Variants in QTGAL observed in about 807,000 individuals in gnomAD.
QTGAL encodes the protein queuosine-tRNA galactosyltransferase.
the QTGAL span, chr17:83,007,225 T>G: frequency 1.0e-6 from 1 of 985,406 alleles, no homozygotes; most frequent in Non-Finnish European, 1.2e-6. Context: ...GTCTCTCTCC[T>G]AAAGCACATG....
the QTGAL span, chr17:83,006,554 G>C: frequency 1.0e-6 from 1 of 985,442 alleles, no homozygotes; most frequent in Non-Finnish European, 1.2e-6. The surrounding 1 kb of genome is among the most constrained non-coding windows in gnomAD (Gnocchi z 5.8). Context: ...ATGTCCCAGG[G>C]CACGAGCACC....
At chr17:82,959,757 T>G in the QTGAL span, among the ~76,000 whole-genome samples, 2 of 152,032 alleles carry the variant, frequency 1.3e-5, no homozygotes, top group Non-Finnish European at 2.9e-5. Context: ...GACACCGGCC[T>G]CCTCGACGGC....
the QTGAL span, chr17:83,048,630 C>T: frequency 6.2e-7 from 1 of 1,606,306 alleles, no homozygotes; most frequent in South Asian, 1.1e-5. Flanking sequence ...CCGTTGCTTA[C>T]ACTGGGGCTG....
the QTGAL span, among the ~76,000 whole-genome samples, chr17:82,984,498 G>C: frequency 0.03 from 317 of 10,658 alleles, no homozygotes; most frequent in East Asian, 0.066. Flanking sequence ...GCCACAGGAG[G>C]ACGCAGGGAG....
chr17:82,977,268 G>A, the QTGAL span, among the ~76,000 whole-genome samples: 2 of 152,216 alleles, frequency 1.3e-5, no homozygotes, highest in Non-Finnish European at 2.9e-5. Context: ...GGACAGCTGC[G>A]GCGCCGCCCC....
the QTGAL span, among the ~76,000 whole-genome samples, chr17:82,978,228 C>A: frequency 6.6e-6 from 1 of 152,140 alleles, no homozygotes; most frequent in Non-Finnish European, 1.5e-5. This position sits in a 1 kb window ranked among gnomAD's most constrained non-coding sequence, Gnocchi z 4.8. Flanking sequence ...GCTTCTCCCC[C>A]AGGCTGCGAG....
the QTGAL span, chr17:82,956,602 A>T: frequency 7.4e-7 from 1 of 1,348,830 alleles, no homozygotes; most frequent in Admixed American, 2.5e-5. The surrounding 1 kb of genome is among the most constrained non-coding windows in gnomAD (Gnocchi z 5.7). Flanking sequence ...GTCTCATCCC[A>T]GGCCACACAG....
At chr17:83,014,919 C>T in the QTGAL span, among the ~76,000 whole-genome samples, 5 of 152,384 alleles carry the variant, frequency 3.3e-5, no homozygotes, top group South Asian at 8.3e-4. Context: ...AAAATGCTGA[C>T]AATTCCAAGT....
the QTGAL span, among the ~76,000 whole-genome samples, chr17:83,021,429 C>A: frequency 2.5e-5 from 3 of 119,234 alleles, no homozygotes; most frequent in African/African-American, 9.0e-5. Context: ...TTCAATAGCA[C>A]TGAAACCCAA....
the QTGAL span, chr17:82,947,844 T>G: frequency 6.6e-6 from 1 of 152,376 alleles, no homozygotes; most frequent in African/African-American, 2.4e-5. Flanking sequence ...TTCCACACAC[T>G]CTGCCGCTAT....
chr17:82,983,132 T>A, the QTGAL span, among the ~76,000 whole-genome samples: 1 of 152,060 alleles, frequency 6.6e-6, no homozygotes, highest in African/African-American at 2.4e-5. Flanking sequence ...ACACGAAAAT[T>A]AGCCAGGCAT....
the QTGAL span, among the ~76,000 whole-genome samples, chr17:82,961,717 C>T: frequency 6.6e-6 from 1 of 152,256 alleles, no homozygotes; most frequent in Non-Finnish European, 1.5e-5. Flanking sequence ...CTTGTCCAAG[C>T]TCAGAAACTT....
At chr17:83,023,880 C>T in the QTGAL span, among the ~76,000 whole-genome samples, 11 of 152,224 alleles carry the variant, frequency 7.2e-5, no homozygotes, top group Non-Finnish European at 1.3e-4. Context: ...CACGGTGGGA[C>T]AAAATGTGTC....
chr17:82,968,003 G>A, the QTGAL span, among the ~76,000 whole-genome samples: 1 of 152,112 alleles, frequency 6.6e-6, no homozygotes, highest in Non-Finnish European at 1.5e-5. Flanking sequence ...CTTACATAAC[G>A]CTGAAGGGAA....
chr17:83,021,203 TGGAGGTCCTA>T, the QTGAL span, among the ~76,000 whole-genome samples: 1 of 152,210 alleles, frequency 6.6e-6, no homozygotes, highest in African/African-American at 2.4e-5. Context: ...AACACTGTAC[TGGAGGTCCTA>T]GTCAGTATAA....
the QTGAL span, chr17:82,957,437 C>T: frequency 1.2e-6 from 2 of 1,612,024 alleles, no homozygotes; most frequent in Non-Finnish European, 1.7e-6. Flanking sequence ...TGAAGGCCGC[C>T]CAGCGGGGCA....
chr17:82,946,106 CACAA>C, the QTGAL span, among the ~76,000 whole-genome samples: 6 of 152,190 alleles, frequency 3.9e-5, no homozygotes, highest in Non-Finnish European at 7.4e-5. Flanking sequence ...TTTAGTCACA[CACAA>C]ACAGTTAATG....
the QTGAL span, among the ~76,000 whole-genome samples, chr17:83,028,479 T>C: frequency 5.6e-4 from 78 of 138,408 alleles, no homozygotes; most frequent in Non-Finnish European, 1.7e-4. Context: ...GAGCCGAGAT[T>C]GCGCCACTGC....
the QTGAL span, among the ~76,000 whole-genome samples, chr17:83,046,816 A>AC: frequency 6.6e-6 from 1 of 152,224 alleles, no homozygotes; most frequent in African/African-American, 2.4e-5. Context: ...GGGTAGAACA[A>AC]CTCAAATGTC....
Sources: gnomAD v4.1 joint callset for allele counts (sites outside exome capture counted in the v4.1 genomes callset) on GRCh38, gnomAD v4.1.1 for gene constraint, Gnocchi (gnomAD v3.1) non-coding constraint, MANE v1.5 for transcripts, NCBI Gene and HGNC (gene_info 2026-07-23, HGNC 2026-07-21) for gene names.